SWT1: variants seen among roughly 807,000 people sequenced by gnomAD.
SWT1 encodes SWT1 RNA endoribonuclease homolog.
Under a neutral mutation model 107.3 loss-of-function variants are expected in SWT1, and 33 were observed. That is an observed-to-expected ratio of 0.31 (90% CI 0.23 to 0.41). The LOEUF (loss-of-function observed/expected upper bound fraction) is 0.41, where lower values mean the gene tolerates loss of function less well. SWT1 is among the 10% of genes least tolerant of loss of function. The pLI is 1.00. For missense variants in SWT1, 898 were observed against 1,028.9 expected (o/e 0.87, Z 1.74); for synonymous variants, 345 against 348.3 (o/e 0.99, Z 0.11).
chr1:185,277,163 G>A, intron 18 of SWT1, among the ~76,000 whole-genome samples: 1 of 152,172 alleles, frequency 6.6e-6, no homozygotes, highest in South Asian at 2.1e-4. Context: ...CATTCAATCT[G>A]TTTTGATAAG....
intron 18 of SWT1, among the ~76,000 whole-genome samples, chr1:185,278,387 T>C (rs1028258643): frequency 6.6e-6 from 1 of 152,188 alleles, no homozygotes; most frequent in Non-Finnish European, 1.5e-5. Context: ...CCAAATCTGC[T>C]GGTGCTTTGA....
chr1:185,206,650 C>G lies in SWT1; in HGVS notation c.1859C>G (p.Thr620Ser). Residue 620 changes from threonine (T) to serine (S), a missense_variant, in exon 13 of 19, where the codon ACT becomes AGT. Coordinates refer to ENST00000367500, the MANE Select transcript of SWT1 (RefSeq NM_017673.7). ...ATCCTGTACCTGAAACCACCATGGA[C>G]TCTACTACATTTACTACAGTGCTTT... The part of the protein sequence containing the change: ...MEILYLKPPW[T>S]LLHLLQCFKK... The G allele has an allele frequency of 6.3e-7, 1 of 1,591,332 alleles. No homozygotes were observed. The highest frequency in any genetic ancestry group is 8.5e-7 in the Non-Finnish European group (1 of 1,170,094).
chr1:185,175,695 G>A (rs1186604770), intron 5 of SWT1, among the ~76,000 whole-genome samples: 2 of 152,154 alleles, frequency 1.3e-5, no homozygotes, highest in Non-Finnish European at 2.9e-5. Flanking sequence ...GTAAAAATGT[G>A]GTGAGAAGCA....
intron 16 of SWT1, among the ~76,000 whole-genome samples, chr1:185,248,819 A>G (rs1471444527): frequency 2.0e-5 from 3 of 149,058 alleles, no homozygotes; most frequent in African/African-American, 7.3e-5. Flanking sequence ...GCAGTTTTTT[A>G]TGCTAAACCA....
At position 185,174,881 on chromosome 1, in the gene SWT1, A is replaced by G. The variant is rs148938329; in HGVS notation, c.734A>G (p.Gln245Arg). The change falls in exon 5 of 19, where the codon CAG becomes CGG. Residue 245 changes from glutamine (Q) to arginine (R), a missense_variant. Physicochemically the swap from Gln to Arg is conservative, Grantham distance 43. This residue lies in a region of SWT1 where 382 missense variants were observed against 362.4 expected (regional missense o/e 1.05). Coordinates refer to ENST00000367500, the MANE Select transcript of SWT1 (RefSeq NM_017673.7). ...CCTATAAAATCCCGTGACACCCTCC[A>G]GAAACTTGTAGAAGAAAATGTCTTC... is the stretch of plus-strand genomic sequence containing the variant. ...KIPIKSRDTLQKLVEENVFNI... is the reference protein window; with the variant it reads ...KIPIKSRDTLRKLVEENVFNI... 27 of 1,613,988 alleles carry G rather than the reference A, an allele frequency of 1.7e-5. No homozygotes were observed. In the African/African-American group the frequency reaches 2.7e-4, roughly 16 times the overall value.
At chr1:185,253,419 G>A (rs1164385588) in intron 16 of SWT1, among the ~76,000 whole-genome samples, 1 of 151,960 alleles carries the variant, frequency 6.6e-6, no homozygotes, top group African/African-American at 2.4e-5. Context: ...CCATGAGCAT[G>A]GAATGTTCTT....
Position 185,174,704 on chromosome 1 carries a change from T to A in SWT1, c.557T>A (p.Leu186His). The A allele has an allele frequency of 6.2e-7, 1 of 1,613,402 alleles. No homozygotes were observed. The highest frequency in any genetic ancestry group is 8.5e-7 in the Non-Finnish European group (1 of 1,179,866). Residue 186 changes from leucine (L) to histidine (H), a missense_variant, in exon 5 of 19, where the codon CTC becomes CAC. This residue lies in a region of SWT1 where 382 missense variants were observed against 362.4 expected (regional missense o/e 1.05). Coordinates refer to ENST00000367500, the MANE Select transcript of SWT1 (RefSeq NM_017673.7). ...LLVQREKMKELKKGRNSKFRD... is the reference protein window; with the variant it reads ...LLVQREKMKEHKKGRNSKFRD... ...GTTCAGAGAGAGAAGATGAAAGAAC[T>A]CAAGAAAGGAAGAAACAGTAAATTT...
At chr1:185,231,045 A>T (rs180815874) in intron 15 of SWT1, among the ~76,000 whole-genome samples, 1 of 152,276 alleles carries the variant, frequency 6.6e-6, no homozygotes, top group East Asian at 1.9e-4. Context: ...CGTCTCGCCC[A>T]GCCTAGTTTG....
intron 2 of SWT1, among the ~76,000 whole-genome samples, chr1:185,162,760 TA>T (rs1420473269): frequency 6.6e-6 from 1 of 152,082 alleles, no homozygotes; most frequent in Admixed American, 6.5e-5. Flanking sequence ...CCAGTACATA[TA>T]AAAATTATGT....
At chr1:185,252,158 C>T (rs1432939536) in intron 16 of SWT1, among the ~76,000 whole-genome samples, 1 of 152,182 alleles carries the variant, frequency 6.6e-6, no homozygotes, top group Non-Finnish European at 1.5e-5. Context: ...ATATGTGCCA[C>T]ATTTTCTTAA....
intron 4 of SWT1, among the ~76,000 whole-genome samples, chr1:185,172,992 C>T (rs903410949): frequency 3.1e-5 from 4 of 128,720 alleles, no homozygotes; most frequent in Non-Finnish European, 6.2e-5. Flanking sequence ...TGTGGTGAGC[C>T]AAGATTGCAC....
At chr1:185,262,915 G>T (rs1182825516) in intron 16 of SWT1, among the ~76,000 whole-genome samples, 1 of 151,760 alleles carries the variant, frequency 6.6e-6, no homozygotes, top group East Asian at 1.9e-4. Flanking sequence ...AGCCTCCTGA[G>T]TAGCTGGGAA....
At chr1:185,171,011 T>C (rs984096966) in intron 4 of SWT1, among the ~76,000 whole-genome samples, 4 of 152,200 alleles carry the variant, frequency 2.6e-5, no homozygotes, top group African/African-American at 9.6e-5. Flanking sequence ...CAGAGACGAT[T>C]GACAGTCACA....
intron 16 of SWT1, chr1:185,251,363 C>T (rs1328009532): frequency 5.9e-5 from 9 of 152,804 alleles, no homozygotes; most frequent in Non-Finnish European, 4.4e-5. Flanking sequence ...CAGACAGTTA[C>T]AGATTCTTTT....
chr1:185,257,202 T>C (rs969467268), intron 16 of SWT1, among the ~76,000 whole-genome samples: 15 of 152,082 alleles, frequency 9.9e-5, no homozygotes, highest in Middle Eastern at 3.2e-3. Flanking sequence ...GACAGGGACA[T>C]TTAAGTCTGC....
chr1:185,263,464 T>G (rs1663170579), intron 16 of SWT1: 1 of 152,422 alleles, frequency 6.6e-6, no homozygotes, highest in Non-Finnish European at 1.5e-5. Context: ...TAGTCATGAA[T>G]GAGGATCCAT....
intron 7 of SWT1, among the ~76,000 whole-genome samples, chr1:185,183,283 TGTGGG>T (rs1289093183): frequency 6.6e-6 from 1 of 152,196 alleles, no homozygotes; most frequent in Non-Finnish European, 1.5e-5. Context: ...TTTGTTTGTT[TGTGGG>T]TTTTTCTTTT....
intron 9 of SWT1, among the ~76,000 whole-genome samples, chr1:185,189,779 T>C (rs2102405033): frequency 6.6e-6 from 1 of 151,362 alleles, no homozygotes; most frequent in East Asian, 1.9e-4. Flanking sequence ...TAAAAAGTTT[T>C]CTTTCTTTTA....
At chr1:185,260,418 G>A (rs1488862077) in intron 16 of SWT1, among the ~76,000 whole-genome samples, 1 of 152,076 alleles carries the variant, frequency 6.6e-6, no homozygotes, top group Non-Finnish European at 1.5e-5. Context: ...AGGAGCAGAA[G>A]GAAATGTTCA....
Sources: allele counts gnomAD v4.1 joint callset (sites outside exome capture counted in the v4.1 genomes callset), GRCh38; gene constraint gnomAD v4.1.1; regional missense constraint gnomAD v4.1.1; transcripts MANE v1.5; gene names NCBI Gene and HGNC (gene_info 2026-07-23, HGNC 2026-07-21).